Variants in CSMD1 observed in about 807,000 individuals in gnomAD.
CSMD1 encodes CUB and sushi domain-containing protein 1.
CSMD1 carries 213 observed loss-of-function variants against 417.5 expected under a neutral mutation model. The ratio of observed to expected loss-of-function variants is 0.51; its 90% confidence interval spans 0.46 to 0.57. The LOEUF (loss-of-function observed/expected upper bound fraction) is 0.57, where lower values mean the gene tolerates loss of function less well. Ranked by LOEUF, CSMD1 falls within the 20% of genes least tolerant of loss-of-function variation. The pLI is 0.00. For synonymous variants in CSMD1, 2,862 were observed against 1,736.8 expected (o/e 1.65, Z -16.11); for missense variants, 6,923 against 4,529.7 (o/e 1.53, Z -15.17).
chr8:4,381,069 G>C (rs1442771554), intron 3 of CSMD1, among the ~76,000 whole-genome samples: 7 of 152,092 alleles, frequency 4.6e-5, no homozygotes, highest in African/African-American at 7.2e-5. Flanking sequence ...GGTTATATTA[G>C]GTTGGTTCAA....
intron 5 of CSMD1, among the ~76,000 whole-genome samples, chr8:3,791,770 C>A (rs1201870623): frequency 1.3e-5 from 2 of 152,052 alleles, no homozygotes; most frequent in Non-Finnish European, 2.9e-5. Flanking sequence ...TTGCAGTGAG[C>A]CGACGTCGCA....
intron 26 of CSMD1, among the ~76,000 whole-genome samples, chr8:3,247,475 C>G (rs551849020): frequency 1.3e-5 from 2 of 152,194 alleles, no homozygotes; most frequent in East Asian, 3.9e-4. Context: ...GCTGTCTACC[C>G]TCAGGAGGAG....
chr8:4,736,736 A>G lies in CSMD1; in HGVS notation c.86-99178T>C, dbSNP rs536857153. ...AAAAGTTACTGGGAGAAAATGGTATACTGCAAACTTTGGAAGCAGGTTTCA... is the reference window on the plus strand; with the variant it reads ...AAAAGTTACTGGGAGAAAATGGTATGCTGCAAACTTTGGAAGCAGGTTTCA... On this transcript the variant is annotated intron_variant, in intron 1 of 69. Coordinates refer to ENST00000635120, the MANE Select transcript of CSMD1 (RefSeq NM_033225.6). 2.0e-5 allele frequency among the ~76,000 whole-genome samples: 3 copies of G among 152,320 alleles called. No homozygotes were observed. The South Asian group carries it at 6.2e-4, about 32-fold the overall frequency.
chr8:4,465,757 T>C (rs1006549461), intron 2 of CSMD1, among the ~76,000 whole-genome samples: 6 of 151,402 alleles, frequency 4.0e-5, no homozygotes, highest in African/African-American at 9.7e-5. Flanking sequence ...GTAGGTCATC[T>C]ATTATTTTCT....
At chr8:3,697,126 A>C (rs895845538) in intron 7 of CSMD1, among the ~76,000 whole-genome samples, 10 of 152,176 alleles carry the variant, frequency 6.6e-5, no homozygotes, top group African/African-American at 2.4e-5. Flanking sequence ...AATCAGCATA[A>C]TCATCATTCA....
intron 37 of CSMD1, among the ~76,000 whole-genome samples, chr8:3,176,233 C>T (rs1322926222): frequency 6.6e-6 from 1 of 152,138 alleles, no homozygotes; most frequent in African/African-American, 2.4e-5. Context: ...TGTAAGCCAT[C>T]TCTAAATGGA....
chr8:3,727,989 T>A lies in CSMD1; in HGVS notation c.932-19498A>T, dbSNP rs530805145. Among the ~76,000 whole-genome samples, 127 of 152,228 alleles carry A rather than the reference T, an allele frequency of 8.3e-4. No homozygotes were observed. The Middle Eastern group carries it at 0.02, about 24-fold the overall frequency. Reference sequence around the variant, plus strand: ...GGGTGCAGACTTTCAGTTTTGGAAATGCATGGTGGTGGAGGCTACACAACA... The same window carrying A: ...GGGTGCAGACTTTCAGTTTTGGAAAAGCATGGTGGTGGAGGCTACACAACA... On this transcript the variant is annotated intron_variant, in intron 6 of 69. Coordinates refer to ENST00000635120, the MANE Select transcript of CSMD1 (RefSeq NM_033225.6).
intron 3 of CSMD1, among the ~76,000 whole-genome samples, chr8:4,072,941 C>T (rs1348414954): frequency 6.6e-6 from 1 of 152,122 alleles, no homozygotes; most frequent in East Asian, 1.9e-4. Context: ...AACATTCTTT[C>T]AAAAGTTTTT....
At chr8:3,682,270 T>G (rs576275447) in intron 7 of CSMD1, among the ~76,000 whole-genome samples, 102 of 152,128 alleles carry the variant, frequency 6.7e-4, no homozygotes, top group African/African-American at 1.9e-3. Flanking sequence ...AAAAATGGGA[T>G]AAAATTTTTG....
intron 3 of CSMD1, among the ~76,000 whole-genome samples, chr8:4,055,544 T>C (rs545440686): frequency 7.1e-6 from 1 of 141,110 alleles, no homozygotes; most frequent in African/African-American, 3.1e-5. Flanking sequence ...TCAAGAATTT[T>C]AATGAATATC....
intron 43 of CSMD1, 129 bp from the exon 44 acceptor site, chr8:3,108,877 T>C: frequency 1.1e-6 from 1 of 882,852 alleles, no homozygotes; most frequent in Non-Finnish European, 1.7e-6. Context: ...GGATACTGTG[T>C]TTGTAAACAT....
At chr8:4,905,810 A>C (rs1314899166) in intron 1 of CSMD1, among the ~76,000 whole-genome samples, 1 of 129,580 alleles carries the variant, frequency 7.7e-6, no homozygotes, top group Admixed American at 9.1e-5. Context: ...ACAGAGCGAG[A>C]CTCCATCTCA....
chr8:4,236,423 T>G (rs569859792), intron 3 of CSMD1, among the ~76,000 whole-genome samples: 175 of 152,182 alleles, frequency 1.1e-3, no homozygotes, highest in African/African-American at 3.9e-3. Flanking sequence ...CAAGAATTTT[T>G]CTCCTACACC....
intron 6 of CSMD1, among the ~76,000 whole-genome samples, chr8:3,714,383 C>G (rs1471080600): frequency 1.3e-5 from 2 of 150,532 alleles, no homozygotes; most frequent in Non-Finnish European, 3.0e-5. Context: ...AATGGAATTT[C>G]CAATTCCATC....
intron 7 of CSMD1, among the ~76,000 whole-genome samples, chr8:3,625,096 T>C (rs1324041786): frequency 6.6e-6 from 1 of 152,176 alleles, no homozygotes; most frequent in South Asian, 2.1e-4. Context: ...TTTGCTGTTT[T>C]TACAGAATAT....
chr8:4,364,069 A>G lies in CSMD1; in HGVS notation c.415+55884T>C, dbSNP rs1381389093. ...ATAATTGAATTGTCTGTAACAGAAA[A>G]GTTAAGTGCTTGAGGGAATAGCTAC... On this transcript the variant is annotated intron_variant, in intron 3 of 69. Coordinates refer to ENST00000635120, the MANE Select transcript of CSMD1 (RefSeq NM_033225.6). Among the ~76,000 whole-genome samples the G allele has an allele frequency of 2.0e-5, 3 of 152,228 alleles. No homozygotes were observed. In the East Asian group the frequency reaches 5.8e-4, roughly 29 times the overall value.
At chr8:3,518,391 G>C (rs967736670) in intron 10 of CSMD1, among the ~76,000 whole-genome samples, 5 of 152,252 alleles carry the variant, frequency 3.3e-5, no homozygotes, top group Middle Eastern at 3.4e-3. Flanking sequence ...AAATATTCCA[G>C]ATGCCATTGT....
At chr8:4,489,263 G>C (rs574828753) in intron 2 of CSMD1, among the ~76,000 whole-genome samples, 2 of 152,124 alleles carry the variant, frequency 1.3e-5, no homozygotes, top group Admixed American at 6.5e-5. Flanking sequence ...CTTTTTCTAA[G>C]AATAAGCAAG....
intron 26 of CSMD1, among the ~76,000 whole-genome samples, chr8:3,282,217 G>C (rs1802792558): frequency 2.0e-5 from 3 of 152,162 alleles, no homozygotes; most frequent in African/African-American, 7.2e-5. Context: ...GATATCGGCT[G>C]ATAATGATGG....
Sources: gnomAD v4.1 joint callset for allele counts (sites outside exome capture counted in the v4.1 genomes callset) on GRCh38, gnomAD v4.1.1 for gene constraint, MANE v1.5 for transcripts, NCBI Gene and HGNC (gene_info 2026-07-23, HGNC 2026-07-21) for gene names.